The following NONO variants were observed in gnomAD, a reference collection of about 807,000 sequenced individuals.
NONO encodes the protein non-POU domain containing octamer binding, also known as non-POU domain-containing octamer-binding protein.
Under a neutral mutation model 40.2 loss-of-function variants are expected in NONO, and 6 were observed. The observed-to-expected ratio is 0.15, with a 90% confidence interval of 0.08 to 0.29. The LOEUF is 0.29. Among genes scored for constraint, NONO ranks in the 10% least tolerant of loss-of-function variants. NONO has a pLI of 1.00. For synonymous variants in NONO, 89 were observed against 123.3 expected, an observed-to-expected ratio of 0.72 and a Z score of 1.85; for missense variants, 133 against 397.8, an observed-to-expected ratio of 0.33 and a Z score of 5.66.
intron 2 of NONO, among the ~76,000 whole-genome samples, chrX:71,287,578 C>G (rs2031218934): frequency 9.0e-6 from 1 of 111,022 alleles, no homozygotes; most frequent in Admixed American, 9.6e-5. Flanking sequence ...CAGGGTTTCA[C>G]CATGTTGGCC....
intron 1 of NONO, 72 bp downstream of exon 1, chrX:71,283,793 A>G (rs1201131085): frequency 1.8e-5 from 2 of 111,242 alleles, no homozygotes; most frequent in Non-Finnish European, 3.8e-5. Context: ...GCGAAGGAAG[A>G]GGCTAGGGCG....
chrX:71,296,105 C>T (rs2031442677), intron 5 of NONO, among the ~76,000 whole-genome samples: 1 of 109,058 alleles, frequency 9.2e-6, no homozygotes, highest in African/African-American at 3.3e-5. Flanking sequence ...GTCCTGATTT[C>T]GTCCTGTCAA....
intron 7 of NONO, 105 bp downstream of exon 7, chrX:71,297,152 CTTAG>C: frequency 1.3e-6 from 1 of 786,628 alleles, no homozygotes. Context: ...TGCTTTTATA[CTTAG>C]TTTGCGTTGA....
At chrX:71,290,500 G>A (rs1468973907) in intron 2 of NONO, 129 bp from the exon 3 acceptor site, 1 of 480,631 alleles carries the variant, frequency 2.1e-6, no homozygotes, top group Non-Finnish European at 3.5e-6. Flanking sequence ...GTTGTTCAAA[G>A]TAACAAATTG....
intron 11 of NONO, among the ~76,000 whole-genome samples, chrX:71,299,353 T>C (rs1024767656): frequency 8.9e-6 from 1 of 112,483 alleles, no homozygotes; most frequent in African/African-American, 3.2e-5. Flanking sequence ...ATCCATTAAA[T>C]GTAACCTCAA....
chrX:71,298,418 G>A, intron 9 of NONO, 51 bp from the exon 10 acceptor site: 1 of 1,069,170 alleles, frequency 9.4e-7, no homozygotes, highest in South Asian at 1.9e-5. Flanking sequence ...GATGGATTGT[G>A]GTAGAATGCA....
Position 71,290,606 on chromosome X carries a change from A to G in NONO, c.-9-23A>G, listed in dbSNP as rs1298146757. 3.4e-6 allele frequency: 4 copies of G among 1,179,035 alleles called. No individual in the cohort carries two copies. In the Admixed American group the frequency reaches 6.6e-5, roughly 19 times the overall value. On this transcript the variant is annotated intron_variant, in intron 2 of 11. Coordinates refer to ENST00000276079, the MANE Select transcript of NONO (RefSeq NM_007363.5). ...TGTGTTATTAGTACTGAATTTATTT[A>G]TTAGTCTACTTTTTCTTTGTAGGGT...
chrX:71,290,498 A>G (rs1180426449), intron 2 of NONO, 131 bp from the exon 3 acceptor site: 4 of 475,262 alleles, frequency 8.4e-6, no homozygotes, highest in South Asian at 3.6e-5. Flanking sequence ...TGGTTGTTCA[A>G]AGTAACAAAT....
At chrX:71,297,803 C>G in intron 8 of NONO, 33 bp from the exon 9 acceptor site, 1 of 1,080,494 alleles carries the variant, frequency 9.3e-7, no homozygotes, top group Non-Finnish European at 1.3e-6. Context: ...TCTGAAATGC[C>G]TCTGTCTTAA....
intron 2 of NONO, among the ~76,000 whole-genome samples, chrX:71,289,361 G>C (rs1397663697): frequency 9.0e-6 from 1 of 110,598 alleles, no homozygotes. Context: ...GCGCAATCTC[G>C]GCTCACTGCC....
chrX:71,297,233 G>A, intron 7 of NONO, 144 bp from the exon 8 acceptor site: 1 of 654,042 alleles, frequency 1.5e-6, no homozygotes, highest in Non-Finnish European at 2.3e-6. Flanking sequence ...GGAAATGATA[G>A]GTATAACTTC....
At chrX:71,295,329 T>C (rs1305770044) in intron 5 of NONO, among the ~76,000 whole-genome samples, 1 of 98,402 alleles carries the variant, frequency 1.0e-5, no homozygotes, top group Non-Finnish European at 2.0e-5. Flanking sequence ...TACTAAAAAA[T>C]ACAACAAATT....
intron 2 of NONO, among the ~76,000 whole-genome samples, chrX:71,287,599 C>T (rs2031219245): frequency 9.0e-6 from 1 of 110,928 alleles, no homozygotes; most frequent in African/African-American, 3.3e-5. Context: ...AGGCTGGTCT[C>T]GAACTCCTGA....
At chrX:71,296,008 C>T (rs1163913957) in intron 5 of NONO, among the ~76,000 whole-genome samples, 1 of 111,320 alleles carries the variant, frequency 9.0e-6, no homozygotes, top group Non-Finnish European at 1.9e-5. Flanking sequence ...AGTCATTTCT[C>T]AGAGTGTCTG....
intron 2 of NONO, among the ~76,000 whole-genome samples, chrX:71,287,070 A>G (rs962733292): frequency 4.5e-5 from 5 of 112,312 alleles, no homozygotes; most frequent in African/African-American, 1.6e-4. Flanking sequence ...TCTGAGAAAT[A>G]TAATTTTCTG....
intron 2 of NONO, among the ~76,000 whole-genome samples, chrX:71,288,427 A>T (rs1298687780): frequency 9.1e-6 from 1 of 109,582 alleles, no homozygotes; most frequent in Non-Finnish European, 1.9e-5. Flanking sequence ...TTTTTTTGAG[A>T]TGGAGTTTCA....
At chrX:71,288,481 T>C (rs761490825) in intron 2 of NONO, among the ~76,000 whole-genome samples, 9 of 111,864 alleles carry the variant, frequency 8.0e-5, no homozygotes, top group Non-Finnish European at 1.5e-4. Flanking sequence ...AACCTCCGCC[T>C]CCCAGGTTCA....
At chrX:71,296,323 A>G (rs1474822939) in intron 5 of NONO, among the ~76,000 whole-genome samples, 1 of 109,909 alleles carries the variant, frequency 9.1e-6, no homozygotes, top group Non-Finnish European at 1.9e-5. Flanking sequence ...CATGTTGGCC[A>G]GGCTTGTCTT....
At chrX:71,298,923 A>G in intron 11 of NONO, 107 bp downstream of exon 11, 9 of 555,053 alleles carry the variant, frequency 1.6e-5, no homozygotes, top group South Asian at 3.0e-5. Context: ...TATAGATAGC[A>G]GTCTTTTTTT....
Sources: gnomAD v4.1 joint callset for allele counts (sites outside exome capture counted in the v4.1 genomes callset) on GRCh38, gnomAD v4.1.1 for gene constraint, MANE v1.5 for transcripts, NCBI Gene and HGNC (gene_info 2026-07-23, HGNC 2026-07-21) for gene names.